FCHO2: variants seen among roughly 807,000 people sequenced by gnomAD.
The protein encoded by FCHO2 is FCH and mu domain containing endocytic adaptor 2.
A neutral mutation model predicts 114.1 loss-of-function variants in FCHO2; 43 were observed. The observed-to-expected ratio is 0.38, with a 90% CI of 0.30 to 0.49. The LOEUF (loss-of-function observed/expected upper bound fraction) is 0.49. Ranked by LOEUF, FCHO2 falls within the 20% of genes least tolerant of loss-of-function variation. FCHO2 has a pLI of 0.97. For synonymous variants in FCHO2, 293 were observed against 315.2 expected (o/e 0.93, Z 0.75); for missense variants, 807 against 950.4 (o/e 0.85, Z 1.98).
At chr5:72,959,063 A>C (rs990042375) in intron 1 of FCHO2, among the ~76,000 whole-genome samples, 1 of 152,224 alleles carries the variant, frequency 6.6e-6, no homozygotes, top group African/African-American at 2.4e-5. Flanking sequence ...TTTATGTTTT[A>C]GTTTTTGCCT....
chr5:72,999,973 C>T (rs1028886923), intron 5 of FCHO2, among the ~76,000 whole-genome samples: 1 of 152,018 alleles, frequency 6.6e-6, no homozygotes, highest in African/African-American at 2.4e-5. Context: ...CTCCAGCTTC[C>T]CTTTTATTTT....
chr5:72,981,999 A>G (rs1052843234), intron 2 of FCHO2, among the ~76,000 whole-genome samples: 1 of 151,896 alleles, frequency 6.6e-6, no homozygotes, highest in East Asian at 1.9e-4. Flanking sequence ...GCTGGTGAGG[A>G]GTTGTGGTCC....
Position 73,068,772 on chromosome 5 carries a change from A to G in FCHO2, c.1572A>G (p.Pro524=). The G allele has an allele frequency of 3.1e-6, 5 of 1,611,608 alleles. No homozygotes were observed. Among genetic ancestry groups the G allele is most frequent in the Non-Finnish European group, 4.2e-6 (5 of 1,178,588 alleles). ...CTTCATTGAGTGCTGCCAATACTCC[A>G]ACAGTAGGTAAGTGATTATCATCAA... ...SSASLSAANT[P]TVGVSRGPSP... is the part of the protein sequence containing the mutation. Residue 524 remains proline, a synonymous_variant, in exon 19 of 26, where the codon CCA becomes CCG. Coordinates refer to ENST00000430046, the MANE Select transcript of FCHO2 (RefSeq NM_138782.3).
At chr5:73,061,659 A>G (rs1017243745) in intron 17 of FCHO2, among the ~76,000 whole-genome samples, 5 of 152,098 alleles carry the variant, frequency 3.3e-5, no homozygotes, top group African/African-American at 4.8e-5. Flanking sequence ...GAGCACAGAT[A>G]AAGTTCCTTT....
intron 10 of FCHO2, among the ~76,000 whole-genome samples, chr5:73,039,055 G>C (rs1756673838): frequency 6.6e-6 from 1 of 152,124 alleles, no homozygotes; most frequent in Admixed American, 6.5e-5. Flanking sequence ...AGCCACTTAG[G>C]GTGGTTTTTT....
intron 10 of FCHO2, among the ~76,000 whole-genome samples, chr5:73,040,136 G>A (rs1372169587): frequency 1.3e-5 from 2 of 151,990 alleles, no homozygotes; most frequent in African/African-American, 4.8e-5. Context: ...TTAGTATTTG[G>A]ATAAATGGCG....
chr5:72,976,329 C>G (rs968144757), intron 2 of FCHO2, among the ~76,000 whole-genome samples: 1 of 151,940 alleles, frequency 6.6e-6, no homozygotes, highest in Non-Finnish European at 1.5e-5. Flanking sequence ...TCCTCCTTGC[C>G]CAGCCTTGCA....
rs58186324 is a variant in FCHO2, at chr5:73,000,183, A to T, written c.496-6262A>T. Among the ~76,000 whole-genome samples the T allele has an allele frequency of 3.7e-3, 563 of 152,036 alleles. 1 individual carries two copies. Among genetic ancestry groups the T allele is most frequent in the African/African-American group, 0.013 (535 of 41,494 alleles). On this transcript the variant is annotated intron_variant, in intron 5 of 25. Coordinates refer to ENST00000430046, the MANE Select transcript of FCHO2 (RefSeq NM_138782.3). ...CCATGCACAGCCAATAAAAAAAAAA[A>T]TTTTGCAGGCCAGGCACGGTGGCTC...
chr5:73,002,946 A>G (rs569611104), intron 5 of FCHO2, among the ~76,000 whole-genome samples: 2 of 152,352 alleles, frequency 1.3e-5, no homozygotes, highest in African/African-American at 4.8e-5. Context: ...AATTGCTATT[A>G]AAAGAAATTT....
chr5:72,958,947 C>T (rs1281120444), intron 1 of FCHO2, among the ~76,000 whole-genome samples: 1 of 152,178 alleles, frequency 6.6e-6, no homozygotes, highest in Non-Finnish European at 1.5e-5. Context: ...TAATACTTCT[C>T]TGAATATCTT....
At chr5:72,960,026 C>T (rs372503729) in intron 1 of FCHO2, among the ~76,000 whole-genome samples, 67 of 152,304 alleles carry the variant, frequency 4.4e-4, no homozygotes, top group Admixed American at 1.2e-3. Context: ...GCCATGTTTC[C>T]GCCTCAGCTT....
At chr5:73,077,237 T>C (rs1055371023) in intron 20 of FCHO2, 101 bp from the exon 21 acceptor site, 31 of 936,784 alleles carry the variant, frequency 3.3e-5, no homozygotes, top group Non-Finnish European at 4.8e-5. Flanking sequence ...TATAGGTGCG[T>C]GTGTGTGTGC....
intron 13 of FCHO2, 52 bp from the exon 14 acceptor site, chr5:73,054,108 T>G: frequency 7.5e-7 from 1 of 1,328,526 alleles, no homozygotes; most frequent in Non-Finnish European, 1.0e-6. Context: ...AGCACAAAAA[T>G]ACAGTATTCA....
At chr5:73,030,828 CT>C (rs1187457841) in intron 8 of FCHO2, among the ~76,000 whole-genome samples, 2 of 152,168 alleles carry the variant, frequency 1.3e-5, no homozygotes, top group African/African-American at 4.8e-5. Flanking sequence ...AGGTTTGAAA[CT>C]GCTGAATTGA....
At chr5:72,957,789 A>G (rs1579988972) in intron 1 of FCHO2, among the ~76,000 whole-genome samples, 1 of 152,322 alleles carries the variant, frequency 6.6e-6, no homozygotes, top group South Asian at 2.1e-4. Flanking sequence ...GCATTTTACA[A>G]TCCCACCAGC....
rs1743105087 is a variant in FCHO2 at position 73,081,869 on chromosome 5, T to G, written c.2067T>G (p.Asp689Glu). 1.2e-6 allele frequency: 2 copies of G among 1,612,732 alleles called. No homozygotes were observed. Among genetic ancestry groups the G allele is most frequent in the Non-Finnish European group, 1.7e-6 (2 of 1,179,276 alleles). The change falls in exon 23 of 26, where the codon GAT (aspartate) becomes GAG (glutamate). Residue 689 changes from aspartate to glutamate, a missense_variant. Coordinates refer to ENST00000430046, the MANE Select transcript of FCHO2 (RefSeq NM_138782.3). ...CTAGCACCACAGATCTTAGAGTGGA[T>G]TATAAATACAATCCAGAAGCTATGG... is the stretch of plus-strand genomic sequence containing the variant. ...CSASTTDLRVDYKYNPEAMVA... is the reference protein window; with the variant it reads ...CSASTTDLRVEYKYNPEAMVA...
At chr5:73,073,261 G>A (rs986828349) in intron 19 of FCHO2, among the ~76,000 whole-genome samples, 1 of 151,952 alleles carries the variant, frequency 6.6e-6, no homozygotes, top group Non-Finnish European at 1.5e-5. Flanking sequence ...TCTGTGTTCA[G>A]AGAGATCTTA....
chr5:73,056,182 G>A (rs770746635), intron 16 of FCHO2, 75 bp downstream of exon 16: 12 of 1,154,488 alleles, frequency 1.0e-5, no homozygotes, highest in Non-Finnish European at 1.5e-5. Context: ...TGGCAAAATT[G>A]AATGGAAAGC....
At chr5:72,979,482 C>T (rs1348446693) in intron 2 of FCHO2, among the ~76,000 whole-genome samples, 1 of 145,196 alleles carries the variant, frequency 6.9e-6, no homozygotes, top group Non-Finnish European at 1.5e-5. Context: ...AGCTCCGCCT[C>T]CCGGGTTCAC....
Sources: allele counts gnomAD v4.1 joint callset (sites outside exome capture counted in the v4.1 genomes callset), GRCh38; gene constraint gnomAD v4.1.1; transcripts MANE v1.5; gene names NCBI Gene and HGNC (gene_info 2026-07-23, HGNC 2026-07-21).